Variants in TMEM230 observed in about 807,000 individuals in gnomAD.
TMEM230 encodes the protein UPF0414 transmembrane protein C20orf30.
Under a neutral mutation model 15.8 loss-of-function variants are expected in TMEM230, and 10 were observed. That is an observed-to-expected ratio of 0.63 (90% CI 0.39 to 1.07). The LOEUF is 1.07. Ranked by LOEUF, TMEM230 falls within the 50% of genes least tolerant of loss-of-function variation. The pLI is 0.01. For missense variants in TMEM230, 165 were observed against 193.3 expected, an observed-to-expected ratio of 0.85 and a Z score of 0.87; for synonymous variants, 67 against 76.9, an observed-to-expected ratio of 0.87 and a Z score of 0.68.
In TMEM230 at chr20:5,106,237, A is replaced by G. The variant is rs1393260987; in HGVS notation, c.362T>C (p.Phe121Ser). 1.9e-6 allele frequency: 3 copies of G among 1,614,042 alleles called. No individual in the cohort carries two copies. In the East Asian group the frequency reaches 6.7e-5, roughly 36 times the overall value. Reference sequence around the variant, plus strand: ...CAGGAGGGAGCCTATAATAATGAGAAAGGCGCCAATCAAAAACAGCACAGT... The same window carrying G: ...CAGGAGGGAGCCTATAATAATGAGAGAGGCGCCAATCAAAAACAGCACAGT... Residue 121 changes from phenylalanine (F) to serine (S), a missense_variant, in exon 4 of 5, where the codon TTT becomes TCT. By Grantham distance (155) the Phe-to-Ser change is radical (BLOSUM62 -2). Transcript: ENST00000342308.
At chr20:5,105,897 T>A (rs533949571) in intron 4 of TMEM230, among the ~76,000 whole-genome samples, 8 of 151,404 alleles carry the variant, frequency 5.3e-5, no homozygotes, top group African/African-American at 1.9e-4. Context: ...CAAACAAAAA[T>A]AAGTAAATAA....
chr20:5,098,838 C>G (rs937136491), downstream of TMEM230, among the ~76,000 whole-genome samples: 1 of 151,832 alleles, frequency 6.6e-6, no homozygotes, highest in Non-Finnish European at 1.5e-5. Flanking sequence ...ACAATGGGAG[C>G]CCAAGTTTTA....
chr20:5,074,813 T>A (rs1009619093), intron 3 of TMEM230, among the ~76,000 whole-genome samples: 13 of 152,132 alleles, frequency 8.5e-5, no homozygotes, highest in Admixed American at 5.2e-4. Flanking sequence ...TATTGCCTTT[T>A]AAAAAAAATT....
At chr20:5,101,016 A>C in intron 4 of TMEM230, 85 bp from the exon 4 acceptor site, 1 of 1,508,398 alleles carries the variant, frequency 6.6e-7, no homozygotes, top group Non-Finnish European at 8.9e-7. Flanking sequence ...TCCTTAGATC[A>C]GTATTTTATA....
chr20:5,092,611 G>A (rs1041329663), intron 3 of TMEM230, among the ~76,000 whole-genome samples: 7 of 151,814 alleles, frequency 4.6e-5, no homozygotes, highest in Non-Finnish European at 8.8e-5. Flanking sequence ...AGCTACTTGG[G>A]AGGTTGAGGC....
chr20:5,084,858 TACC>T (rs2089291729), intron 3 of TMEM230, among the ~76,000 whole-genome samples: 1 of 152,236 alleles, frequency 6.6e-6, no homozygotes, highest in African/African-American at 2.4e-5. Flanking sequence ...GTTGTATATG[TACC>T]ACGTTTTCTT....
At chr20:5,090,019 G>GAA (rs2089462891) in intron 3 of TMEM230, among the ~76,000 whole-genome samples, 2 of 151,102 alleles carry the variant, frequency 1.3e-5, no homozygotes, top group Admixed American at 6.6e-5. Context: ...TCTCAAAAAA[G>GAA]AAAAGAAAAG....
downstream of TMEM230, among the ~76,000 whole-genome samples, chr20:5,095,421 C>T (rs1378495926): frequency 6.6e-6 from 1 of 152,214 alleles, no homozygotes; most frequent in Admixed American, 6.6e-5. Flanking sequence ...CCTTCCTCAT[C>T]TTTGGGACTC....
intron 3 of TMEM230, among the ~76,000 whole-genome samples, chr20:5,107,479 T>C (rs1003424637): frequency 6.6e-6 from 1 of 152,226 alleles, no homozygotes; most frequent in Non-Finnish European, 1.5e-5. Flanking sequence ...TGTCATTCAC[T>C]CTAGTTCGAA....
At chr20:5,101,230 T>C (rs2089849395) in intron 4 of TMEM230, among the ~76,000 whole-genome samples, 1 of 152,206 alleles carries the variant, frequency 6.6e-6, no homozygotes, top group South Asian at 2.1e-4. Context: ...CCAATATTAT[T>C]AAAACCTTTT....
intron 1 of TMEM230, chr20:5,112,753 A>G: frequency 3.4e-6 from 5 of 1,462,500 alleles, no homozygotes; most frequent in Non-Finnish European, 3.6e-6. Flanking sequence ...CCGTCTTCAG[A>G]CCTTGCCAGG....
At chr20:5,108,095 AG>A (rs1311016594) in intron 3 of TMEM230, among the ~76,000 whole-genome samples, 16 of 152,074 alleles carry the variant, frequency 1.1e-4, no homozygotes, top group African/African-American at 3.4e-4. Flanking sequence ...CCTGGGCAAC[AG>A]AGCAAGACTA....
intron 1 of TMEM230, among the ~76,000 whole-genome samples, chr20:5,112,474 T>C (rs1455734672): frequency 6.6e-6 from 1 of 152,212 alleles, no homozygotes; most frequent in Non-Finnish European, 1.5e-5. Flanking sequence ...TAACTGTTCA[T>C]ACATCCGCAT....
At chr20:5,091,090 G>A (rs1448113235) in intron 3 of TMEM230, among the ~76,000 whole-genome samples, 2 of 152,146 alleles carry the variant, frequency 1.3e-5, no homozygotes, top group South Asian at 2.1e-4. Context: ...CCTTGAACTC[G>A]TGGACTCAAG....
intron 3 of TMEM230, among the ~76,000 whole-genome samples, chr20:5,085,777 A>AC (rs2089317542): frequency 1.3e-5 from 2 of 152,104 alleles, no homozygotes; most frequent in South Asian, 4.2e-4. Context: ...GAAGGGCTGG[A>AC]CCCCCAGCTA....
rs758119588 is a variant in TMEM230 at position 5,111,607 on chromosome 20, T to TAA, written c.69-4_69-3dup. The TAA allele has an allele frequency of 5.8e-3, 344 of 58,918 alleles. 63 individuals carry two copies. Among genetic ancestry groups the TAA allele is most frequent in the Non-Finnish European group, 8.1e-3 (277 of 34,178 alleles). The allele number at this position is 58,918 out of a possible 1,614,324, so 3.6% of individuals were successfully genotyped here. A position where few individuals can be genotyped will look rare whatever the true frequency, so the allele number is the denominator to read the frequency against. ...CTGGGCGACAGAACTAGACTCCATC[T>TAA]AAAAAAAAAAAAAAAAAAAAAAAAA... On this transcript the variant is annotated splice_region_variant and splice_polypyrimidine_tract_variant and intron_variant, in intron 1 of 4. Coordinates refer to ENST00000342308, the MANE Select transcript of TMEM230 (RefSeq NM_001009923.2).
At chr20:5,080,510 A>G (rs1312912001) in intron 3 of TMEM230, among the ~76,000 whole-genome samples, 4 of 152,042 alleles carry the variant, frequency 2.6e-5, no homozygotes. Context: ...GGAATGACAC[A>G]GCAGAATGTA....
downstream of TMEM230, among the ~76,000 whole-genome samples, chr20:5,097,197 T>C (rs919264807): frequency 1.3e-5 from 2 of 152,212 alleles, no homozygotes; most frequent in Non-Finnish European, 1.5e-5. Context: ...GTGCTCCTCA[T>C]TACCCCAGTC....
chr20:5,072,975 G>T (rs1487311414), intron 3 of TMEM230, among the ~76,000 whole-genome samples: 1 of 151,980 alleles, frequency 6.6e-6, no homozygotes, highest in Admixed American at 6.6e-5. Flanking sequence ...ACTCTGAAGT[G>T]AGGATTCATG....
Sources: gnomAD v4.1 joint callset for allele counts (sites outside exome capture counted in the v4.1 genomes callset) on GRCh38, gnomAD v4.1.1 for gene constraint, MANE v1.5 for transcripts, NCBI Gene and HGNC (gene_info 2026-07-23, HGNC 2026-07-21) for gene names.